Variants in ADAMTS6 observed in about 807,000 individuals in gnomAD.
ADAMTS6 encodes A disintegrin and metalloproteinase with thrombospondin motifs 6.
In ADAMTS6, 23 loss-of-function variants were observed where a neutral mutation model predicts 144.3. The ratio of observed to expected loss-of-function variants is 0.16; its 90% CI spans 0.11 to 0.23. ADAMTS6 has a LOEUF of 0.23. ADAMTS6 is among the 10% of genes least tolerant of loss of function. ADAMTS6 has a pLI of 1.00. For synonymous variants in ADAMTS6, 444 were observed against 457.5 expected, an observed-to-expected ratio of 0.97 and a Z score of 0.38; for missense variants, 999 against 1,379.6, an observed-to-expected ratio of 0.72 and a Z score of 4.37.
chr5:65,383,747 C>G (rs1752247311), intron 7 of ADAMTS6, among the ~76,000 whole-genome samples: 1 of 152,104 alleles, frequency 6.6e-6, no homozygotes, highest in Admixed American at 6.5e-5. Flanking sequence ...AGTGGAGACT[C>G]TCTCCAAAGC....
intron 22 of ADAMTS6, among the ~76,000 whole-genome samples, chr5:65,176,289 A>T (rs1488602573): frequency 1.3e-5 from 2 of 152,246 alleles, no homozygotes; most frequent in Admixed American, 1.3e-4. Flanking sequence ...ATGTTATTAA[A>T]AAAAGAATTT....
chr5:65,429,526 T>G (rs1350958037), intron 7 of ADAMTS6, among the ~76,000 whole-genome samples: 5 of 152,004 alleles, frequency 3.3e-5, no homozygotes, highest in African/African-American at 9.7e-5. Flanking sequence ...TAAATAAAAA[T>G]TTTAAAAATA....
intron 7 of ADAMTS6, among the ~76,000 whole-genome samples, chr5:65,398,380 C>T (rs1208197584): frequency 6.6e-6 from 1 of 152,086 alleles, no homozygotes; most frequent in Non-Finnish European, 1.5e-5. Context: ...TACGTAATAC[C>T]CTTCTTTATC....
At chr5:65,154,815 T>C (rs1204134759) in intron 24 of ADAMTS6, among the ~76,000 whole-genome samples, 1 of 152,236 alleles carries the variant, frequency 6.6e-6, no homozygotes, top group Non-Finnish European at 1.5e-5. Context: ...ACAACTATCA[T>C]GTATTATTTC....
Position 65,319,785 on chromosome 5 carries a change from GAAGA to G in ADAMTS6, c.1223+9589_1223+9592del, listed in dbSNP as rs1431441377. On this transcript the variant is annotated intron_variant, in intron 9 of 24. Transcript: ENST00000381055. ...GGAAGGAAGGAAGGAAGGAAGGAAG[GAAGA>G]GAGGAAGGAAATGAGCAAACAATAG... Among the ~76,000 whole-genome samples, 23 of 145,364 alleles carry G rather than the reference GAAGA, an allele frequency of 1.6e-4. 1 individual carries two copies. In the South Asian group the frequency reaches 3.1e-3, roughly 20 times the overall value.
intron 7 of ADAMTS6, among the ~76,000 whole-genome samples, chr5:65,348,932 T>A (rs1466521476): frequency 6.6e-6 from 1 of 151,888 alleles, no homozygotes; most frequent in Non-Finnish European, 1.5e-5. Context: ...ATCAGTCCAT[T>A]TAATGTTACT....
chr5:65,474,705 T>C (rs905601758), intron 1 of ADAMTS6, among the ~76,000 whole-genome samples: 3 of 149,632 alleles, frequency 2.0e-5, no homozygotes, highest in Non-Finnish European at 4.4e-5. Context: ...CAGAATAGTA[T>C]ATTTGGCTGC....
intron 7 of ADAMTS6, among the ~76,000 whole-genome samples, chr5:65,338,861 A>T (rs901080978): frequency 1.3e-5 from 2 of 152,134 alleles, no homozygotes; most frequent in Non-Finnish European, 2.9e-5. Context: ...TGCCCCCAGC[A>T]GACTTGCCAC....
intron 7 of ADAMTS6, among the ~76,000 whole-genome samples, chr5:65,337,507 T>C (rs952859751): frequency 9.9e-5 from 15 of 152,124 alleles, no homozygotes; most frequent in Non-Finnish European, 7.4e-5. Flanking sequence ...CCCATATTTC[T>C]TACAAATGTA....
At chr5:65,224,801 T>C (rs1173998101) in intron 17 of ADAMTS6, 123 bp downstream of exon 17, 1 of 1,175,460 alleles carries the variant, frequency 8.5e-7, no homozygotes, top group Non-Finnish European at 1.2e-6. Flanking sequence ...TGAAAGCAAT[T>C]TGGGGAAGAA....
At chr5:65,205,477 G>C (rs11747084) in intron 20 of ADAMTS6, among the ~76,000 whole-genome samples, 22,394 of 152,164 alleles carry the variant, frequency 0.15, 1,739 homozygotes, top group Non-Finnish European at 0.17. Flanking sequence ...CTGGCCTAAA[G>C]ACTGTACTAC....
chr5:65,423,314 T>C (rs1183911836), intron 7 of ADAMTS6, among the ~76,000 whole-genome samples: 1 of 152,172 alleles, frequency 6.6e-6, no homozygotes, highest in Non-Finnish European at 1.5e-5. Flanking sequence ...CTTCAAAAGC[T>C]ATTGAAATAA....
intron 7 of ADAMTS6, among the ~76,000 whole-genome samples, chr5:65,420,631 T>C (rs1321430839): frequency 1.3e-5 from 2 of 150,650 alleles, no homozygotes; most frequent in East Asian, 3.9e-4. Context: ...TCCATCTGCC[T>C]TGGCCTCCCA....
At chr5:65,410,755 A>G (rs1414898253) in intron 7 of ADAMTS6, among the ~76,000 whole-genome samples, 1 of 152,088 alleles carries the variant, frequency 6.6e-6, no homozygotes, top group East Asian at 1.9e-4. Context: ...TACTCTACAT[A>G]TAAGTGAGAT....
At chr5:65,479,575 C>T (rs1335289792) in intron 1 of ADAMTS6, among the ~76,000 whole-genome samples, 5 of 152,128 alleles carry the variant, frequency 3.3e-5, no homozygotes. Flanking sequence ...CTCTTTTTCT[C>T]CCCACTACCC....
At chr5:65,275,432 GA>G (rs1762452111) in intron 11 of ADAMTS6, among the ~76,000 whole-genome samples, 1 of 148,152 alleles carries the variant, frequency 6.7e-6, no homozygotes, top group Non-Finnish European at 1.5e-5. Context: ...AAGAAAGAAA[GA>G]AAAGAAAAAA....
At chr5:65,250,681 TATG>T (rs1561330055) in intron 14 of ADAMTS6, among the ~76,000 whole-genome samples, 1 of 152,192 alleles carries the variant, frequency 6.6e-6, no homozygotes, top group African/African-American at 2.4e-5. Context: ...GTGGAGCTTA[TATG>T]TTTCACCAGA....
chr5:65,297,117 C>G, intron 10 of ADAMTS6: 1 of 434,008 alleles, frequency 2.3e-6, no homozygotes, highest in Admixed American at 2.7e-5. Flanking sequence ...CCTGCAAAGC[C>G]GTCGCCGGAA....
At chr5:65,407,395 C>T (rs1444179392) in intron 7 of ADAMTS6, among the ~76,000 whole-genome samples, 1 of 150,932 alleles carries the variant, frequency 6.6e-6, no homozygotes, top group Admixed American at 6.6e-5. Flanking sequence ...CGTGCAGGTT[C>T]GTTACATATG....
Sources: gnomAD v4.1 joint callset for allele counts (sites outside exome capture counted in the v4.1 genomes callset) on GRCh38, gnomAD v4.1.1 for gene constraint, MANE v1.5 for transcripts, NCBI Gene and HGNC (gene_info 2026-07-23, HGNC 2026-07-21) for gene names.